Variants in MLC1 observed in about 807,000 individuals in gnomAD.
The protein encoded by MLC1 is membrane protein MLC1.
MLC1 carries 32 observed loss-of-function variants against 44.7 expected under a neutral mutation model. The observed-to-expected ratio is 0.72, with a 90% CI of 0.54 to 0.96. The LOEUF (loss-of-function observed/expected upper bound fraction) is 0.96, where lower values mean the gene tolerates loss of function less well. Among genes scored for constraint, MLC1 ranks in the 40% least tolerant of loss-of-function variants. MLC1 has a pLI of 0.00. For missense variants in MLC1, 459 were observed against 492.2 expected, an observed-to-expected ratio of 0.93 and a Z score of 0.64; for synonymous variants, 190 against 213.0, an observed-to-expected ratio of 0.89 and a Z score of 0.94.
At chr22:50,070,386 T>C (rs951716291) in intron 9 of MLC1, 141 bp downstream of exon 9, 2 of 851,992 alleles carry the variant, frequency 2.3e-6, no homozygotes, top group South Asian at 1.4e-5. Context: ...AACCCCACCT[T>C]CCTCATTGTG....
At chr22:50,064,434 G>C (rs1320259329) in intron 10 of MLC1, among the ~76,000 whole-genome samples, 1 of 152,218 alleles carries the variant, frequency 6.6e-6, no homozygotes, top group African/African-American at 2.4e-5. Context: ...AGGAATAAAA[G>C]TGACCGAGCC....
rs2061525212 is a variant in MLC1, at chr22:50,059,669, G to A, written c.*1914C>T. 1 of 152,400 alleles carries A rather than the reference G, an allele frequency of 6.6e-6. No individual in the cohort carries two copies. The highest frequency in any genetic ancestry group is 2.4e-5 in the African/African-American group (1 of 41,462). 9.4% of individuals were successfully genotyped at this position (152,400 alleles called of 1,614,324 possible). A position where few individuals can be genotyped will look rare whatever the true frequency, so the allele number is the denominator to read the frequency against. ...GACCCCGCCAGCCTCAAAGCTGCAG[G>A]GAGGTGGGGGTGGCCTGCAGACAGG... is the stretch of plus-strand genomic sequence containing the variant. On this transcript the variant is annotated 3_prime_UTR_variant, in exon 12 of 12. Transcript: ENST00000311597.
At chr22:50,085,273 A>T in intron 1 of MLC1, 82 bp downstream of exon 1, 1 of 1,070,234 alleles carries the variant, frequency 9.3e-7, no homozygotes, top group Non-Finnish European at 1.2e-6. Flanking sequence ...GGACTCAAGC[A>T]CGTTAAACTG....
intron 3 of MLC1, among the ~76,000 whole-genome samples, chr22:50,080,814 T>C (rs1045677457): frequency 1.4e-4 from 21 of 152,128 alleles, no homozygotes; most frequent in African/African-American, 5.1e-4. Context: ...GCCTAGAATG[T>C]AACTCACGCA....
In MLC1 at chr22:50,084,750, C is replaced by T. The variant is rs758885759; in HGVS notation, c.153G>A (p.Thr51=). The T allele has an allele frequency of 2.4e-5, 39 of 1,613,998 alleles. No homozygotes were observed. Among genetic ancestry groups the T allele is most frequent in the Non-Finnish European group, 2.5e-5 (30 of 1,180,056 alleles). ...CCCCCATCAGCACAGAGAAGACCCACGTCTTGTGGCTGAAGCAGGGGGGCA... is the reference window on the plus strand; with the variant it reads ...CCCCCATCAGCACAGAGAAGACCCATGTCTTGTGGCTGAAGCAGGGGGGCA... ...KRLPPCFSHK[T]WVFSVLMGSC... is the part of the protein sequence containing the mutation. Residue 51 remains threonine, a synonymous_variant, in exon 2 of 12, where the codon ACG becomes ACA. Transcript: ENST00000311597.
chr22:50,070,601 G>T lies in MLC1; in HGVS notation c.715-18C>A. Reference sequence around the variant, plus strand: ...GGAAAGCACTAAGAGAAAAGAAAAAGGAAAGATTTTAGAGGAAATAGTCGA... The same window carrying T: ...GGAAAGCACTAAGAGAAAAGAAAAATGAAAGATTTTAGAGGAAATAGTCGA... On this transcript the variant is annotated intron_variant, in intron 8 of 11. Coordinates refer to ENST00000311597, the MANE Select transcript of MLC1 (RefSeq NM_015166.4). 1 of 1,554,880 alleles carries T rather than the reference G, an allele frequency of 6.4e-7. No homozygotes were observed. Among genetic ancestry groups the T allele is most frequent in the Middle Eastern group, 1.7e-4 (1 of 5,996 alleles).
rs893287309 is a variant in MLC1 at position 50,069,081 on chromosome 22, CG to C, written c.772-527del. Among the ~76,000 whole-genome samples, 39 of 151,872 alleles carry C rather than the reference CG, an allele frequency of 2.6e-4. 1 individual carries two copies. The highest frequency in any genetic ancestry group is 2.3e-3 in the Admixed American group (35 of 15,246). ...TAGCTGTGTAGCCCAGGCAGGAGTG[CG>C]GTGGCACAATCTCTGATCACTGCAA... On this transcript the variant is annotated intron_variant, in intron 9 of 11. Coordinates refer to ENST00000311597, the MANE Select transcript of MLC1 (RefSeq NM_015166.4).
rs901117548 is a variant in MLC1 at position 50,065,676 on chromosome 22, C to T, written c.895-1478G>A. On this transcript the variant is annotated intron_variant, in intron 10 of 11. Transcript: ENST00000311597. The stretch of plus-strand genomic sequence containing the variant: ...TCCCACCCGTGTCACCGAACTCCAG[C>T]GTGACACCCTCTGTGGGGGGCTGTG... Among the ~76,000 whole-genome samples the T allele has an allele frequency of 5.3e-5, 8 of 152,214 alleles. No homozygotes were observed. In the East Asian group the frequency reaches 5.8e-4, roughly 11 times the overall value.
intron 10 of MLC1, 113 bp downstream of exon 10, chr22:50,068,320 T>G: frequency 2.7e-6 from 4 of 1,455,790 alleles, no homozygotes; most frequent in Admixed American, 3.5e-5. Context: ...AGGTGCCTCC[T>G]GGAGCTGTCC....
At chr22:50,074,432 G>A in intron 7 of MLC1, 100 bp from the exon 8 acceptor site, 1 of 1,085,902 alleles carries the variant, frequency 9.2e-7, no homozygotes, top group East Asian at 2.4e-5. Context: ...GCAGGGTCCA[G>A]TGGGCTGGCC....
chr22:50,064,144 C>T lies in MLC1; in HGVS notation c.949G>A (p.Gly317Ser), dbSNP rs145180481. The T allele has an allele frequency of 1.7e-4, 276 of 1,607,952 alleles. No individual in the cohort carries two copies. Among genetic ancestry groups the T allele is most frequent in the Middle Eastern group, 3.3e-4 (2 of 6,030 alleles). ...LLLLVLLLQA[G>S]LNTGTAIQCV... ...TGGATGGCGGTGCCCGTGTTGAGGC[C>T]GGCCTGCAGCAGGAGCACTAGCAGC... Residue 317 changes from glycine to serine, a missense_variant, in exon 11 of 12, where the codon GGC becomes AGC. Coordinates refer to ENST00000311597, the MANE Select transcript of MLC1 (RefSeq NM_015166.4).
intron 8 of MLC1, among the ~76,000 whole-genome samples, 196 bp from the exon 9 acceptor site, chr22:50,070,779 C>CA (rs2061833317): frequency 6.6e-6 from 1 of 152,212 alleles, no homozygotes; most frequent in Admixed American, 6.5e-5. Flanking sequence ...GGTAGCCTCT[C>CA]AGAGGTTTTG....
intron 11 of MLC1, among the ~76,000 whole-genome samples, chr22:50,063,759 C>T (rs1181618338): frequency 7.1e-6 from 1 of 140,890 alleles, no homozygotes; most frequent in Non-Finnish European, 1.6e-5. Flanking sequence ...ACCCCACAGG[C>T]TTCTCACCTC....
intron 7 of MLC1, among the ~76,000 whole-genome samples, chr22:50,075,925 C>T (rs908989099): frequency 6.6e-6 from 1 of 152,078 alleles, no homozygotes; most frequent in Non-Finnish European, 1.5e-5. Context: ...ACAGACCCCG[C>T]ATGGTCTGTT....
rs941007982 is a variant in MLC1, at chr22:50,061,221, G to A, written c.*362C>T. ...CCCACAGTCTGGTCAGGTCCAGAGAGCCCACTCCAGCCCAAGCCATGAGAG... is the reference window on the plus strand; with the variant it reads ...CCCACAGTCTGGTCAGGTCCAGAGAACCCACTCCAGCCCAAGCCATGAGAG... On this transcript the variant is annotated 3_prime_UTR_variant, in exon 12 of 12. Transcript: ENST00000311597. The A allele has an allele frequency of 1.4e-4, 54 of 379,852 alleles. No individual in the cohort carries two copies. The highest frequency in any genetic ancestry group is 1.0e-3 in the African/African-American group (50 of 48,052). 23.5% of individuals were successfully genotyped at this position (379,852 alleles called of 1,614,324 possible). A position where few individuals can be genotyped will look rare whatever the true frequency, so the allele number is the denominator to read the frequency against.
chr22:50,074,164 T>G, intron 8 of MLC1, 52 bp downstream of exon 8: 1 of 1,462,462 alleles, frequency 6.8e-7, no homozygotes, highest in Non-Finnish European at 9.5e-7. Flanking sequence ...CCACGCAGGA[T>G]CTGAGCAGTG....
chr22:50,061,780 G>T, intron 11 of MLC1, 123 bp from the exon 12 acceptor site: 2 of 885,958 alleles, frequency 2.3e-6, no homozygotes, highest in Non-Finnish European at 3.7e-6. Context: ...GAATGTGAAG[G>T]AAGTGGGGAA....
Position 50,077,463 on chromosome 22 carries a change from G to A in MLC1, c.463C>T (p.Leu155Phe). 6.2e-7 allele frequency: 1 copy of A among 1,613,930 alleles called. No individual in the cohort carries two copies. Among genetic ancestry groups the A allele is most frequent in the East Asian group, 2.2e-5 (1 of 44,888 alleles). ...NLILLLLLEL[L>F]MAATVIIAAR... The stretch of plus-strand genomic sequence containing the variant: ...GCGATGATCACCGTGGCCGCCATGA[G>A]CAGCTCCAGCAGGAGCAGCAGGATG... The change falls in exon 6 of 12, where the codon CTC (leucine) becomes TTC (phenylalanine). Residue 155 changes from leucine (L) to phenylalanine (F), a missense_variant. Physicochemically the swap from Leu to Phe is conservative, Grantham distance 22. Coordinates refer to ENST00000311597, the MANE Select transcript of MLC1 (RefSeq NM_015166.4).
At chr22:50,064,396 A>C (rs1279347135) in intron 10 of MLC1, among the ~76,000 whole-genome samples, 198 bp from the exon 11 acceptor site, 1 of 152,232 alleles carries the variant, frequency 6.6e-6, no homozygotes, top group African/African-American at 2.4e-5. Context: ...ATTCTGCTTT[A>C]AATTCCATCA....
Sources: gnomAD v4.1 joint callset for allele counts (sites outside exome capture counted in the v4.1 genomes callset) on GRCh38, gnomAD v4.1.1 for gene constraint, MANE v1.5 for transcripts, NCBI Gene and HGNC (gene_info 2026-07-23, HGNC 2026-07-21) for gene names.